NAALADL2: variants seen among roughly 807,000 people sequenced by gnomAD.
The protein encoded by NAALADL2 is N-acetylated alpha-linked acidic dipeptidase like 2.
NAALADL2 carries 76 observed loss-of-function variants against 87.2 expected under a neutral mutation model. That is an observed-to-expected ratio of 0.87 (90% confidence interval 0.72 to 1.05). The LOEUF is 1.05. NAALADL2 is among the 50% of genes least tolerant of loss of function. The probability of loss-of-function intolerance (pLI) is 0.00; values close to 1 mark genes in which losing one functional copy is unlikely to be tolerated. For missense variants in NAALADL2, 1,089 were observed against 945.8 expected (o/e 1.15, Z -1.99); for synonymous variants, 354 against 331.0 (o/e 1.07, Z -0.75).
At chr3:175,691,097 A>C (rs1374449590) in intron 11 of NAALADL2, among the ~76,000 whole-genome samples, 1 of 151,688 alleles carries the variant, frequency 6.6e-6, no homozygotes, top group Non-Finnish European at 1.5e-5. Context: ...AAAATATTAT[A>C]AACAGTAAGA....
chr3:174,892,079 A>G (rs1288794034), intron 1 of NAALADL2, among the ~76,000 whole-genome samples: 2 of 152,156 alleles, frequency 1.3e-5, no homozygotes, highest in Admixed American at 1.3e-4. Flanking sequence ...TCAAATATCT[A>G]GAAAGTTTTC....
At chr3:174,676,596 A>C (rs889752966) in intron 2 of NAALADL2, among the ~76,000 whole-genome samples, 7 of 151,982 alleles carry the variant, frequency 4.6e-5, no homozygotes, top group African/African-American at 1.7e-4. Context: ...AACACCTTAA[A>C]GATTTTTCTT....
At chr3:174,951,299 G>A (rs572570916) in intron 1 of NAALADL2, among the ~76,000 whole-genome samples, 20 of 151,616 alleles carry the variant, frequency 1.3e-4, no homozygotes, top group African/African-American at 4.4e-4. Flanking sequence ...AGAATAAATC[G>A]TTAGCTTTTT....
At chr3:174,539,293 CATTAA>C (rs1722009385) in intron 1 of NAALADL2, among the ~76,000 whole-genome samples, 1 of 152,070 alleles carries the variant, frequency 6.6e-6, no homozygotes, top group Non-Finnish European at 1.5e-5. Flanking sequence ...TGATAGCTAT[CATTAA>C]ATTAATCATA....
At chr3:175,729,824 T>C (rs188114688) in intron 11 of NAALADL2, among the ~76,000 whole-genome samples, 17 of 151,462 alleles carry the variant, frequency 1.1e-4, no homozygotes, top group African/African-American at 3.9e-4. Context: ...TTTCCCATGG[T>C]AACATGTAAA....
chr3:175,466,257 G>A (rs369977825), intron 7 of NAALADL2, among the ~76,000 whole-genome samples: 6 of 152,086 alleles, frequency 3.9e-5, no homozygotes, highest in Admixed American at 1.3e-4. Flanking sequence ...AATAACATTC[G>A]CTGACAAGAA....
At chr3:175,801,760 G>A (rs971365882) in intron 13 of NAALADL2, among the ~76,000 whole-genome samples, 4 of 152,176 alleles carry the variant, frequency 2.6e-5, no homozygotes. Flanking sequence ...ATTTCAGCTA[G>A]TTTGGGTTCG....
chr3:174,675,827 G>T (rs560902625), intron 2 of NAALADL2, among the ~76,000 whole-genome samples: 4 of 152,130 alleles, frequency 2.6e-5, no homozygotes, highest in African/African-American at 9.6e-5. Context: ...ATTTATTGAG[G>T]CTTTTACTGA....
chr3:174,711,122 A>G (rs1217392781), intron 2 of NAALADL2, among the ~76,000 whole-genome samples: 1 of 152,154 alleles, frequency 6.6e-6, no homozygotes, highest in Non-Finnish European at 1.5e-5. Context: ...AACTGGCTGT[A>G]GGAACTCTGG....
intron 3 of NAALADL2, among the ~76,000 whole-genome samples, chr3:174,833,788 G>A (rs541862271): frequency 4.0e-4 from 60 of 151,464 alleles, no homozygotes; most frequent in African/African-American, 1.4e-3. Context: ...TATTGAGAGA[G>A]TAAATGGGGA....
At chr3:174,513,320 T>TA (rs1719730093) in intron 1 of NAALADL2, among the ~76,000 whole-genome samples, 1 of 152,228 alleles carries the variant, frequency 6.6e-6, no homozygotes, top group Non-Finnish European at 1.5e-5. Flanking sequence ...TATCTCCATC[T>TA]AGATAATTTA....
At chr3:175,119,516 GGC>G (rs1725791346) in intron 2 of NAALADL2, among the ~76,000 whole-genome samples, 1 of 151,058 alleles carries the variant, frequency 6.6e-6, no homozygotes, top group Non-Finnish European at 1.5e-5. Context: ...TGGGAAGAGA[GGC>G]AGAGACAGAG....
intron 1 of NAALADL2, among the ~76,000 whole-genome samples, chr3:175,058,812 G>A (rs1232627069): frequency 1.3e-5 from 2 of 152,208 alleles, no homozygotes; most frequent in African/African-American, 4.8e-5. Context: ...CCTTTCAGCA[G>A]TATCCTTAAC....
intron 4 of NAALADL2, among the ~76,000 whole-genome samples, chr3:175,287,257 T>G (rs1297663285): frequency 1.3e-5 from 2 of 152,220 alleles, no homozygotes. Flanking sequence ...AAACAGTACT[T>G]AATGTTCTCT....
intron 1 of NAALADL2, among the ~76,000 whole-genome samples, chr3:174,902,505 CA>C (rs1380454650): frequency 1.3e-5 from 2 of 151,662 alleles, no homozygotes; most frequent in African/African-American, 4.8e-5. Flanking sequence ...TAAAATAACT[CA>C]AAAAGACAAT....
intron 9 of NAALADL2, among the ~76,000 whole-genome samples, chr3:175,472,754 T>C (rs1362852549): frequency 6.6e-6 from 1 of 152,182 alleles, no homozygotes; most frequent in African/African-American, 2.4e-5. Flanking sequence ...AAACATGAAG[T>C]AGATAATTCT....
chr3:175,785,994 G>T (rs1301002870), intron 13 of NAALADL2, among the ~76,000 whole-genome samples: 1 of 151,966 alleles, frequency 6.6e-6, no homozygotes, highest in African/African-American at 2.4e-5. Context: ...GAAATTCTGG[G>T]TTGAAAATTC....
intron 4 of NAALADL2, among the ~76,000 whole-genome samples, chr3:175,308,518 G>C (rs527601670): frequency 6.6e-6 from 1 of 152,316 alleles, no homozygotes; most frequent in African/African-American, 2.4e-5. Context: ...GAAACCCTTA[G>C]ATGTCTGTGA....
Position 175,786,986 on chromosome 3 carries a change from G to C in NAALADL2, c.2190-16019G>C, listed in dbSNP as rs772498904. ...ATACCCTGCCATGTGAGGTGTCAGA[G>C]TGCCCCTGCTGGGGGGTGCCTCCCA... is the stretch of plus-strand genomic sequence containing the variant. On this transcript the variant is annotated intron_variant, in intron 13 of 13. Coordinates refer to ENST00000454872, the MANE Select transcript of NAALADL2 (RefSeq NM_207015.3). Among the ~76,000 whole-genome samples, 3 of 152,028 alleles carry C rather than the reference G, an allele frequency of 2.0e-5. No individual in the cohort carries two copies. The East Asian group carries it at 5.8e-4, about 29-fold the overall frequency.
Sources: gnomAD v4.1 joint callset for allele counts (sites outside exome capture counted in the v4.1 genomes callset) on GRCh38, gnomAD v4.1.1 for gene constraint, MANE v1.5 for transcripts, NCBI Gene and HGNC (gene_info 2026-07-23, HGNC 2026-07-21) for gene names.